ATP5MG: variants seen among roughly 807,000 people sequenced by gnomAD.
ATP5MG encodes ATP synthase F(0) complex subunit g, mitochondrial.
Under a neutral mutation model 12.7 loss-of-function variants are expected in ATP5MG, and 7 were observed. That is an observed-to-expected ratio of 0.55 (90% confidence interval 0.31 to 1.04). The LOEUF (loss-of-function observed/expected upper bound fraction) is 1.04, where lower values mean the gene tolerates loss of function less well. Ranked by LOEUF, ATP5MG falls within the 50% of genes least tolerant of loss-of-function variation. The pLI is 0.05. For missense variants in ATP5MG, 116 were observed against 126.7 expected (o/e 0.92, Z 0.41); for synonymous variants, 53 against 48.2 (o/e 1.10, Z -0.41).
Position 118,401,698 on chromosome 11 carries a change from G to A in ATP5MG, c.33G>A (p.Lys11=), listed in dbSNP as rs148821209. MAQFVRNLVE[K]TPALVNAAVT... ...AATTTGTCCGTAACCTTGTGGAGAA[G>A]ACCCCGGCGCTGGTGAACGGTGAGC... The change falls in exon 1 of 3, where the codon AAG becomes AAA. Residue 11 remains lysine (K), a synonymous_variant. Coordinates refer to ENST00000300688, the MANE Select transcript of ATP5MG (RefSeq NM_006476.5). The A allele has an allele frequency of 4.6e-5, 74 of 1,613,694 alleles. No individual in the cohort carries two copies. The African/African-American group carries it at 8.8e-4, about 19-fold the overall frequency.
chr11:118,406,999 G>A lies in ATP5MG; in HGVS notation c.115G>A (p.Val39Ile), dbSNP rs1555132209. 1.2e-6 allele frequency: 2 copies of A among 1,614,038 alleles called. No individual in the cohort carries two copies. Among genetic ancestry groups the A allele is most frequent in the Non-Finnish European group, 1.7e-6 (2 of 1,179,996 alleles). Residue 39 changes from valine to isoleucine, a missense_variant, in exon 2 of 3, where the codon GTT (valine) becomes ATT (isoleucine). By Grantham distance (29) the Val-to-Ile change is conservative. Coordinates refer to ENST00000300688, the MANE Select transcript of ATP5MG (RefSeq NM_006476.5). Reference sequence around the variant, plus strand: ...TTGGTACTACGCCAAGGTTGAGCTGGTTCCTCCCACCCCTGCTGAGATCCC... The same window carrying A: ...TTGGTACTACGCCAAGGTTGAGCTGATTCCTCCCACCCCTGCTGAGATCCC... Reference protein sequence around the residue: ...TFWYYAKVELVPPTPAEIPRA... With the variant: ...TFWYYAKVELIPPTPAEIPRA...
rs918959737 is a variant in ATP5MG, at chr11:118,409,482, T to G, written c.*384T>G. The G allele has an allele frequency of 5.9e-5, 9 of 152,636 alleles. No individual in the cohort carries two copies. The highest frequency in any genetic ancestry group is 2.2e-4 in the African/African-American group (9 of 41,454). The allele number at this position is 152,636 out of a possible 1,614,324, so 9.5% of individuals were successfully genotyped here. A position where few individuals can be genotyped will look rare whatever the true frequency, so the allele number is the denominator to read the frequency against. On this transcript the variant is annotated 3_prime_UTR_variant, in exon 3 of 3. Coordinates refer to ENST00000300688, the MANE Select transcript of ATP5MG (RefSeq NM_006476.5). ...GAAATAGTAGTACCATATGCCAAAG[T>G]GATAGAGATGAATCATGTCAGTAGT...
In ATP5MG at chr11:118,407,034, T is replaced by A; in HGVS notation, c.150T>A (p.Ile50=). 1 of 1,614,104 alleles carries A rather than the reference T, an allele frequency of 6.2e-7. No individual in the cohort carries two copies. Among genetic ancestry groups the A allele is most frequent in the Non-Finnish European group, 8.5e-7 (1 of 1,179,992 alleles). The change falls in exon 2 of 3, where the codon ATT becomes ATA. Residue 50 remains isoleucine, a synonymous_variant. Coordinates refer to ENST00000300688, the MANE Select transcript of ATP5MG (RefSeq NM_006476.5). ...CCCCTGCTGAGATCCCTAGAGCTATTCAGAGCCTGAAAAAAATAGTCAATA... is the reference window on the plus strand; with the variant it reads ...CCCCTGCTGAGATCCCTAGAGCTATACAGAGCCTGAAAAAAATAGTCAATA... ...PPTPAEIPRA[I]QSLKKIVNSA... is the part of the protein sequence containing the mutation.
At chr11:118,408,472 T>A (rs527907043) in intron 2 of ATP5MG, among the ~76,000 whole-genome samples, 1 of 152,306 alleles carries the variant, frequency 6.6e-6, no homozygotes, top group Admixed American at 6.5e-5. Flanking sequence ...ATATTTCTCT[T>A]TGGGACAACA....
At chr11:118,407,942 C>CAAG in intron 2 of ATP5MG, among the ~76,000 whole-genome samples, 1 of 152,244 alleles carries the variant, frequency 6.6e-6, no homozygotes, top group East Asian at 1.9e-4. Flanking sequence ...GCGGGCAGAT[C>CAAG]ACGAGGTCAG....
intron 1 of ATP5MG, among the ~76,000 whole-genome samples, chr11:118,404,695 C>G (rs951246718): frequency 1.3e-5 from 2 of 152,192 alleles, no homozygotes; most frequent in Non-Finnish European, 2.9e-5. Context: ...TTATAGGTTC[C>G]TCTACTGTAA....
chr11:118,407,245 C>T, intron 2 of ATP5MG, 148 bp downstream of exon 2: 1 of 1,181,538 alleles, frequency 8.5e-7, no homozygotes, highest in Non-Finnish European at 1.2e-6. Flanking sequence ...GAGGAAGATA[C>T]TTACTTTTCT....
intron 1 of ATP5MG, among the ~76,000 whole-genome samples, chr11:118,403,649 C>T (rs1555131582): frequency 2.6e-5 from 4 of 151,632 alleles, no homozygotes; most frequent in Non-Finnish European, 5.9e-5. Context: ...AGAAATTAGC[C>T]GGGCATGGTG....
rs1555132189 is a variant in ATP5MG, at chr11:118,406,954, A to G, written c.70A>G (p.Lys24Glu). Residue 24 changes from lysine (K) to glutamate (E), a missense_variant, in exon 2 of 3, where the codon AAG becomes GAG. Transcript: ENST00000300688. ...ALVNAAVTYSKPRLATFWYYA... is the reference protein window; with the variant it reads ...ALVNAAVTYSEPRLATFWYYA... ...TTTTCCAGCTGCTGTGACTTACTCG[A>G]AGCCTCGATTGGCCACATTTTGGTA... 2.5e-6 allele frequency: 4 copies of G among 1,610,370 alleles called. No homozygotes were observed. In the South Asian group the frequency reaches 4.4e-5, roughly 18 times the overall value.
Position 118,409,497 on chromosome 11 carries a change from A to G in ATP5MG, c.*399A>G, listed in dbSNP as rs2134130584. The G allele has an allele frequency of 6.6e-6, 1 of 152,650 alleles. No homozygotes were observed. Among genetic ancestry groups the G allele is most frequent in the South Asian group, 2.1e-4 (1 of 4,846 alleles). The allele number at this position is 152,650 out of a possible 1,614,324, so 9.5% of individuals were successfully genotyped here. A position where few individuals can be genotyped will look rare whatever the true frequency, so the allele number is the denominator to read the frequency against. The stretch of plus-strand genomic sequence containing the variant: ...TATGCCAAAGTGATAGAGATGAATC[A>G]TGTCAGTAGTTAGAATAACATTTCA... On this transcript the variant is annotated 3_prime_UTR_variant, in exon 3 of 3. Transcript: ENST00000300688.
chr11:118,405,556 A>T (rs968634632), intron 1 of ATP5MG: 3 of 619,804 alleles, frequency 4.8e-6, no homozygotes, highest in Middle Eastern at 8.5e-4. Flanking sequence ...ATACTGATTC[A>T]TTTTTTTTTT....
At chr11:118,407,206 G>C (rs1417411484) in intron 2 of ATP5MG, 109 bp downstream of exon 2, 8 of 1,452,992 alleles carry the variant, frequency 5.5e-6, no homozygotes, top group Non-Finnish European at 7.3e-6. Context: ...GCTGAATCCA[G>C]CATAATGAGG....
At chr11:118,403,250 C>T (rs528648464) in intron 1 of ATP5MG, among the ~76,000 whole-genome samples, 1 of 152,310 alleles carries the variant, frequency 6.6e-6, no homozygotes, top group East Asian at 1.9e-4. Flanking sequence ...AATCTCAGCA[C>T]TTTGGGAGGC....
intron 1 of ATP5MG, chr11:118,405,686 T>C (rs1948966256): frequency 1.0e-6 from 1 of 985,242 alleles, no homozygotes; most frequent in South Asian, 4.7e-5. Flanking sequence ...GAACTATCTC[T>C]TAGAGCTTTG....
intron 1 of ATP5MG, 61 bp from the exon 2 acceptor site, chr11:118,406,876 C>G: frequency 6.5e-7 from 1 of 1,540,904 alleles, no homozygotes; most frequent in Non-Finnish European, 8.7e-7. Flanking sequence ...CACACATCTG[C>G]TTCTTTCGGT....
chr11:118,402,125 G>A (rs544049760), intron 1 of ATP5MG, among the ~76,000 whole-genome samples: 2 of 152,210 alleles, frequency 1.3e-5, no homozygotes, highest in East Asian at 1.9e-4. Context: ...TACATGTGGT[G>A]TTGTTCTCAG....
chr11:118,409,352 G>A lies in ATP5MG; in HGVS notation c.*254G>A, dbSNP rs1555132703. On this transcript the variant is annotated 3_prime_UTR_variant, in exon 3 of 3. Coordinates refer to ENST00000300688, the MANE Select transcript of ATP5MG (RefSeq NM_006476.5). ...ATATTAACCTGGTACATGAATATAT[G>A]GGGATAACATTTTAATTTGAAGGTT... 3 of 199,372 alleles carry A rather than the reference G, an allele frequency of 1.5e-5. No homozygotes were observed. The highest frequency in any genetic ancestry group is 4.7e-5 in the African/African-American group (2 of 42,768). The allele number at this position is 199,372 out of a possible 1,614,324, so 12.4% of individuals were successfully genotyped here.
At position 118,403,981 on chromosome 11, in the gene ATP5MG, C is replaced by G. The variant is rs570183432; in HGVS notation, c.52+2264C>G. On this transcript the variant is annotated intron_variant, in intron 1 of 2. Coordinates refer to ENST00000300688, the MANE Select transcript of ATP5MG (RefSeq NM_006476.5). ...TTGTGATCTAAAAAGAAAAGTAACA[C>G]CAAGGTAATTTTTTTGTTATGAAAT... The G allele has an allele frequency of 1.4e-4, 22 of 151,938 alleles. No homozygotes were observed. The East Asian group carries it at 3.3e-3, about 23-fold the overall frequency. 9.4% of individuals were successfully genotyped at this position (151,938 alleles called of 1,614,324 possible). A position where few individuals can be genotyped will look rare whatever the true frequency, so the allele number is the denominator to read the frequency against.
intron 2 of ATP5MG, chr11:118,407,344 A>T: frequency 2.0e-6 from 1 of 494,916 alleles, no homozygotes; most frequent in Non-Finnish European, 3.4e-6. Context: ...GACCATTTTT[A>T]TTGGGAAATT....
Sources: allele counts gnomAD v4.1 joint callset (sites outside exome capture counted in the v4.1 genomes callset), GRCh38; gene constraint gnomAD v4.1.1; transcripts MANE v1.5; gene names NCBI Gene and HGNC (gene_info 2026-07-23, HGNC 2026-07-21).